CYP39A1: variants seen among roughly 807,000 people sequenced by gnomAD.
CYP39A1 encodes cytochrome P450 family 39 subfamily A member 1, also known as 24-hydroxycholesterol 7-alpha-hydroxylase.
In CYP39A1, 49 loss-of-function variants were observed where a neutral mutation model predicts 58.1. That is an observed-to-expected ratio of 0.84 (90% CI 0.67 to 1.07). The LOEUF (loss-of-function observed/expected upper bound fraction) is 1.07. Among genes scored for constraint, CYP39A1 ranks in the 50% least tolerant of loss-of-function variants. CYP39A1 has a pLI of 0.00. For synonymous variants in CYP39A1, 209 were observed against 187.6 expected, an observed-to-expected ratio of 1.11 and a Z score of -0.93; for missense variants, 531 against 539.4, an observed-to-expected ratio of 0.98 and a Z score of 0.16.
intron 8 of CYP39A1, among the ~76,000 whole-genome samples, chr6:46,591,205 T>C (rs1159741147): frequency 1.3e-5 from 2 of 152,202 alleles, no homozygotes; most frequent in Admixed American, 1.3e-4. Flanking sequence ...TTTTTACATT[T>C]ACATTTTTAT....
intron 10 of CYP39A1, among the ~76,000 whole-genome samples, chr6:46,567,272 TC>T (rs2150490313): frequency 6.6e-6 from 1 of 152,236 alleles, no homozygotes; most frequent in East Asian, 1.9e-4. Flanking sequence ...TAGTATAATG[TC>T]TTCCAGGTTG....
At chr6:46,605,296 A>T (rs1023150435) in intron 7 of CYP39A1, among the ~76,000 whole-genome samples, 5 of 152,206 alleles carry the variant, frequency 3.3e-5, no homozygotes, top group African/African-American at 4.8e-5. Flanking sequence ...TGGGGCTGCC[A>T]GTGTGCAAGG....
chr6:46,574,755 A>C (rs1367389914), intron 10 of CYP39A1, among the ~76,000 whole-genome samples: 2 of 152,076 alleles, frequency 1.3e-5, no homozygotes, highest in African/African-American at 4.8e-5. Context: ...ATAAAGGAAA[A>C]GGGTGTCATC....
At chr6:46,594,655 C>G (rs1271614507) in intron 8 of CYP39A1, among the ~76,000 whole-genome samples, 1 of 151,866 alleles carries the variant, frequency 6.6e-6, no homozygotes, top group African/African-American at 2.4e-5. Flanking sequence ...ATACAAAAAT[C>G]AACTGTAATA....
intron 10 of CYP39A1, among the ~76,000 whole-genome samples, chr6:46,564,759 G>T (rs1771181538): frequency 6.6e-6 from 1 of 152,166 alleles, no homozygotes; most frequent in Admixed American, 6.5e-5. Context: ...GCCAGCATGT[G>T]CTGGAAAGCT....
At chr6:46,614,528 T>A (rs1396623657) in intron 7 of CYP39A1, among the ~76,000 whole-genome samples, 1 of 152,164 alleles carries the variant, frequency 6.6e-6, no homozygotes, top group African/African-American at 2.4e-5. Flanking sequence ...AAAATCTGGA[T>A]AGATGTGTCT....
At chr6:46,598,666 A>G (rs999280640) in intron 7 of CYP39A1, among the ~76,000 whole-genome samples, 9 of 152,236 alleles carry the variant, frequency 5.9e-5, no homozygotes, top group African/African-American at 2.2e-4. Context: ...AATCAAATAG[A>G]CAAATGTTTG....
intron 7 of CYP39A1, among the ~76,000 whole-genome samples, chr6:46,616,801 T>C (rs1774637917): frequency 6.6e-6 from 1 of 152,096 alleles, no homozygotes; most frequent in Admixed American, 6.6e-5. Flanking sequence ...AGGAATCAGA[T>C]GACAAAGAGT....
chr6:46,641,558 C>T (rs543046619), intron 2 of CYP39A1, among the ~76,000 whole-genome samples: 4 of 152,232 alleles, frequency 2.6e-5, no homozygotes, highest in South Asian at 2.1e-4. Context: ...ACCAGCTCTG[C>T]GTTCCAGGGA....
chr6:46,557,798 G>A (rs1582286073), intron 10 of CYP39A1, among the ~76,000 whole-genome samples: 1 of 150,188 alleles, frequency 6.7e-6, no homozygotes, highest in Admixed American at 6.6e-5. Flanking sequence ...TTAGCCAGGT[G>A]TGGTGGTGGG....
chr6:46,644,832 G>A (rs751989826), intron 1 of CYP39A1, among the ~76,000 whole-genome samples: 15 of 152,184 alleles, frequency 9.9e-5, no homozygotes, highest in African/African-American at 2.2e-4. Flanking sequence ...TATCTTTGCC[G>A]TTCTGATAGA....
intron 1 of CYP39A1, among the ~76,000 whole-genome samples, chr6:46,647,564 G>T (rs998938039): frequency 6.6e-6 from 1 of 152,198 alleles, no homozygotes; most frequent in African/African-American, 2.4e-5. Context: ...CTGTTGGTGG[G>T]AGGTAGACAC....
chr6:46,580,261 C>A (rs1772055010), intron 10 of CYP39A1, among the ~76,000 whole-genome samples: 1 of 152,082 alleles, frequency 6.6e-6, no homozygotes, highest in Non-Finnish European at 1.5e-5. Context: ...GGAAAAGATA[C>A]CCTGTTCAAT....
At chr6:46,581,085 T>C (rs771279819) in intron 10 of CYP39A1, among the ~76,000 whole-genome samples, 4 of 152,142 alleles carry the variant, frequency 2.6e-5, no homozygotes, top group Non-Finnish European at 5.9e-5. Flanking sequence ...GAAATCAACC[T>C]AGATGCCCAC....
At chr6:46,628,693 G>A (rs564559684) in intron 6 of CYP39A1, among the ~76,000 whole-genome samples, 1 of 151,990 alleles carries the variant, frequency 6.6e-6, no homozygotes, top group African/African-American at 2.4e-5. Flanking sequence ...GAAAAGACAG[G>A]CCCCACCACC....
intron 8 of CYP39A1, among the ~76,000 whole-genome samples, chr6:46,590,217 G>A (rs1300973176): frequency 6.6e-6 from 1 of 152,172 alleles, no homozygotes; most frequent in African/African-American, 2.4e-5. Flanking sequence ...CTAGCAAAGG[G>A]AAGCTACAAC....
At chr6:46,651,089 T>C (rs1449376237) in intron 1 of CYP39A1, among the ~76,000 whole-genome samples, 1 of 152,230 alleles carries the variant, frequency 6.6e-6, no homozygotes, top group Non-Finnish European at 1.5e-5. Flanking sequence ...TGCATATTCA[T>C]ACTTCTTTTT....
chr6:46,625,555 G>A, intron 6 of CYP39A1, 47 bp from the exon 7 acceptor site: 1 of 1,407,692 alleles, frequency 7.1e-7, no homozygotes, highest in Non-Finnish European at 9.9e-7. Context: ...CTTTGAAGGT[G>A]AACAAAAGCA....
At chr6:46,579,627 T>A (rs1273845614) in intron 10 of CYP39A1, among the ~76,000 whole-genome samples, 3 of 151,938 alleles carry the variant, frequency 2.0e-5, no homozygotes, top group Non-Finnish European at 4.4e-5. Flanking sequence ...CTGTCCCAAA[T>A]CTCCTAAAAC....
Sources: allele counts gnomAD v4.1 joint callset (sites outside exome capture counted in the v4.1 genomes callset), GRCh38; gene constraint gnomAD v4.1.1; transcripts MANE v1.5; gene names NCBI Gene and HGNC (gene_info 2026-07-23, HGNC 2026-07-21).